Variants in FHIP2A observed in about 807,000 individuals in gnomAD.
FHIP2A encodes the protein family with sequence similarity 160 member B1.
A neutral mutation model predicts 93.5 loss-of-function variants in FHIP2A; 46 were observed. The observed-to-expected ratio is 0.49, with a 90% CI of 0.39 to 0.63. The LOEUF is 0.63. Among genes scored for constraint, FHIP2A ranks in the 20% least tolerant of loss-of-function variants. FHIP2A has a pLI of 0.00. For missense variants in FHIP2A, 769 were observed against 909.7 expected (o/e 0.85, Z 1.99); for synonymous variants, 332 against 326.5 (o/e 1.02, Z -0.18).
chr10:114,887,903 G>A (rs2083951167), intron 16 of FHIP2A, among the ~76,000 whole-genome samples: 1 of 152,178 alleles, frequency 6.6e-6, no homozygotes, highest in Non-Finnish European at 1.5e-5. Context: ...GTATCTTTCT[G>A]TCAAACTCAA....
intron 1 of FHIP2A, among the ~76,000 whole-genome samples, chr10:114,828,840 CTT>C (rs2083592123): frequency 6.6e-6 from 1 of 151,832 alleles, no homozygotes; most frequent in African/African-American, 2.4e-5. Flanking sequence ...ATTTTATTCT[CTT>C]AACACAGTAC....
At chr10:114,850,174 G>T (rs932602006) in intron 13 of FHIP2A, among the ~76,000 whole-genome samples, 2 of 152,030 alleles carry the variant, frequency 1.3e-5, no homozygotes, top group Non-Finnish European at 2.9e-5. Flanking sequence ...CTTTTTTGAG[G>T]AACTGCCAAA....
At chr10:114,844,873 C>T (rs2083690901) in intron 7 of FHIP2A, among the ~76,000 whole-genome samples, 1 of 152,136 alleles carries the variant, frequency 6.6e-6, no homozygotes, top group African/African-American at 2.4e-5. Flanking sequence ...CAACCTCCGT[C>T]TCCCAGGTTC....
intron 16 of FHIP2A, among the ~76,000 whole-genome samples, chr10:114,874,202 C>G (rs4752342): frequency 0.077 from 11,785 of 152,218 alleles, 854 homozygotes; most frequent in African/African-American, 0.18. Flanking sequence ...GGGAAACTTT[C>G]ATAGTCATCA....
chr10:114,895,753 C>G (rs946534927), intron 16 of FHIP2A, among the ~76,000 whole-genome samples: 2 of 152,128 alleles, frequency 1.3e-5, no homozygotes, highest in Non-Finnish European at 2.9e-5. Context: ...GGTGCTTGAT[C>G]CAATCTAGCT....
chr10:114,861,345 GT>G lies in FHIP2A; in HGVS notation c.2192+15del. Reference sequence around the variant, plus strand: ...ACCTGAAGGCCCTATGTAAGTTAGTGTTTTACATTTTTTTAATCCAAAAATT... The same window carrying G: ...ACCTGAAGGCCCTATGTAAGTTAGTGTTTACATTTTTTTAATCCAAAAATT... On this transcript the variant is annotated intron_variant, in intron 16 of 16. Transcript: ENST00000369248. The G allele has an allele frequency of 6.2e-7, 1 of 1,613,652 alleles. No individual in the cohort carries two copies. The highest frequency in any genetic ancestry group is 8.5e-7 in the Non-Finnish European group (1 of 1,179,916).
rs766391726 is a variant in FHIP2A at position 114,843,788 on chromosome 10, A to C, written c.864A>C (p.Val288=). The C allele has an allele frequency of 6.3e-7, 1 of 1,584,950 alleles. No individual in the cohort carries two copies. The highest frequency in any genetic ancestry group is 8.5e-7 in the Non-Finnish European group (1 of 1,172,070). ...VKACEGLMLL[V]SLPEPAAAKC... is the part of the protein sequence containing the mutation. ...CATGTGAAGGCTTGATGCTGTTAGT[A>C]AGTTTGCCAGAGCCTGCGGCTGCAA... Residue 288 remains valine (V), a synonymous_variant, in exon 7 of 17, where the codon GTA becomes GTC. Coordinates refer to ENST00000369248, the MANE Select transcript of FHIP2A (RefSeq NM_020940.4).
At chr10:114,895,485 T>C (rs923755617) in intron 16 of FHIP2A, among the ~76,000 whole-genome samples, 2 of 152,198 alleles carry the variant, frequency 1.3e-5, no homozygotes, top group Admixed American at 1.3e-4. Flanking sequence ...AAATTTTCCA[T>C]GGGTAAGCAG....
At chr10:114,853,751 C>T (rs2083750005) in intron 13 of FHIP2A, among the ~76,000 whole-genome samples, 1 of 152,160 alleles carries the variant, frequency 6.6e-6, no homozygotes, top group Admixed American at 6.5e-5. Flanking sequence ...GTAATCCTAG[C>T]ACTTTGGGAG....
At chr10:114,873,074 G>A (rs552717965) in intron 16 of FHIP2A, among the ~76,000 whole-genome samples, 1 of 152,348 alleles carries the variant, frequency 6.6e-6, no homozygotes, top group South Asian at 2.1e-4. Flanking sequence ...CAAAGGAAAG[G>A]AGTTGAGATG....
At chr10:114,873,998 A>G (rs1221477327) in intron 16 of FHIP2A, among the ~76,000 whole-genome samples, 1 of 152,108 alleles carries the variant, frequency 6.6e-6, no homozygotes, top group Non-Finnish European at 1.5e-5. Flanking sequence ...TTGACTTGGC[A>G]TGGTGCTTTG....
rs770909772 is a variant in FHIP2A, at chr10:114,846,708, T to C, written c.1548T>C (p.Asn516=). 2 of 1,602,624 alleles carry C rather than the reference T, an allele frequency of 1.2e-6. No homozygotes were observed. The highest frequency in any genetic ancestry group is 1.7e-6 in the Non-Finnish European group (2 of 1,177,102). The change falls in exon 11 of 17, where the codon AAT becomes AAC. Residue 516 remains asparagine (N), a synonymous_variant. Coordinates refer to ENST00000369248, the MANE Select transcript of FHIP2A (RefSeq NM_020940.4). ...CAGAAGATAAAGATGTGGTAGAAAA[T>C]GGATTGATAGCAGGAGCAGTGTAAG... is the stretch of plus-strand genomic sequence containing the variant. ...LCPEDKDVVE[N]GLIAGAVDLE...
Position 114,842,934 on chromosome 10 carries a change from A to G in FHIP2A, c.524A>G (p.Asn175Ser), listed in dbSNP as rs764457386. ...DPYLVNFFLE[N>S]KMKSLASKGV... ...TATAAAACATATATTCCTTTTCAGA[A>G]TAAGATGAAATCATTGGCTTCCAAA... The change falls in exon 6 of 17, where the codon AAT becomes AGT. Residue 175 changes from asparagine to serine, a missense_variant and splice_region_variant. Asn to Ser is a conservative substitution (Grantham distance 46). Coordinates refer to ENST00000369248, the MANE Select transcript of FHIP2A (RefSeq NM_020940.4). The G allele has an allele frequency of 6.3e-7, 1 of 1,579,766 alleles. No individual in the cohort carries two copies. Among genetic ancestry groups the G allele is most frequent in the South Asian group, 1.1e-5 (1 of 88,766 alleles).
In FHIP2A at chr10:114,838,783, A is replaced by G. The variant is rs141616944; in HGVS notation, c.522+2537A>G. On this transcript the variant is annotated intron_variant, in intron 5 of 16. Transcript: ENST00000369248. ...TGTACCTGTCTTCGGAAAAACATTTACATTTAAACCTCACTACAGAGAACA... is the reference window on the plus strand; with the variant it reads ...TGTACCTGTCTTCGGAAAAACATTTGCATTTAAACCTCACTACAGAGAACA... Among the ~76,000 whole-genome samples, 565 of 152,324 alleles carry G rather than the reference A, an allele frequency of 3.7e-3. 3 individuals are homozygous for G. The highest frequency in any genetic ancestry group is 0.013 in the African/African-American group (538 of 41,568).
intron 1 of FHIP2A, among the ~76,000 whole-genome samples, chr10:114,825,238 T>G (rs1264450804): frequency 1.3e-5 from 2 of 152,118 alleles, no homozygotes; most frequent in African/African-American, 4.8e-5. Flanking sequence ...TGTGCCCAGG[T>G]TGGTCTCACA....
chr10:114,843,977 C>G (rs1298659536), intron 7 of FHIP2A, 40 bp downstream of exon 7: 1 of 1,432,444 alleles, frequency 7.0e-7, no homozygotes, highest in African/African-American at 1.4e-5. Context: ...AAGGTGACTT[C>G]TTAACACCTA....
intron 16 of FHIP2A, among the ~76,000 whole-genome samples, chr10:114,886,475 C>T (rs1039984388): frequency 6.6e-5 from 10 of 151,176 alleles, no homozygotes; most frequent in East Asian, 1.9e-4. Context: ...TAGATGTTAA[C>T]GCGTGCTTTA....
chr10:114,858,975 A>G (rs569380388), intron 14 of FHIP2A, among the ~76,000 whole-genome samples: 2 of 148,996 alleles, frequency 1.3e-5, no homozygotes, highest in South Asian at 2.1e-4. Context: ...AAAATATCAC[A>G]TGGACCCCCC....
At chr10:114,845,917 A>G (rs565218357) in intron 8 of FHIP2A, 96 bp from the exon 9 acceptor site, 3 of 956,668 alleles carry the variant, frequency 3.1e-6, no homozygotes, top group East Asian at 2.5e-5. Flanking sequence ...GTCTTTCCAC[A>G]TTAATTCAGT....
Sources: allele counts gnomAD v4.1 joint callset (sites outside exome capture counted in the v4.1 genomes callset), GRCh38; gene constraint gnomAD v4.1.1; transcripts MANE v1.5; gene names NCBI Gene and HGNC (gene_info 2026-07-23, HGNC 2026-07-21).